EIF4G3: variants seen among roughly 807,000 people sequenced by gnomAD.
The protein encoded by EIF4G3 is eukaryotic translation initiation factor 4 gamma 3, also known as eIF-4-gamma 3.
In EIF4G3, 34 loss-of-function variants were observed where a neutral mutation model predicts 186.4. The observed-to-expected ratio is 0.18, with a 90% CI of 0.14 to 0.24. EIF4G3 has a LOEUF of 0.24. EIF4G3 is among the 10% of genes least tolerant of loss of function. The probability of loss-of-function intolerance (pLI) is 1.00; values close to 1 mark genes in which losing one functional copy is unlikely to be tolerated. For synonymous variants in EIF4G3, 673 were observed against 679.5 expected, an observed-to-expected ratio of 0.99 and a Z score of 0.15; for missense variants, 1,536 against 1,948.5, an observed-to-expected ratio of 0.79 and a Z score of 3.99.
chr1:21,108,868 A>G (rs1246794348), intron 2 of EIF4G3, among the ~76,000 whole-genome samples: 1 of 127,946 alleles, frequency 7.8e-6, no homozygotes, highest in Admixed American at 9.1e-5. Context: ...GCGCCACTGC[A>G]CTCCAGACTG....
chr1:21,147,497 C>T (rs965708638), intron 2 of EIF4G3, among the ~76,000 whole-genome samples: 5 of 151,670 alleles, frequency 3.3e-5, no homozygotes, highest in African/African-American at 1.2e-4. Flanking sequence ...CCTGCCACCA[C>T]GCCTGGCTAA....
intron 2 of EIF4G3, among the ~76,000 whole-genome samples, chr1:21,094,928 T>A (rs1195396767): frequency 6.6e-6 from 1 of 152,116 alleles, no homozygotes; most frequent in East Asian, 1.9e-4. Flanking sequence ...GATGACAGGA[T>A]CCCTCGAGCC....
In EIF4G3 at chr1:21,074,558, T is replaced by C. The variant is rs764185303; in HGVS notation, c.-196+14580A>G. On this transcript the variant is annotated intron_variant, in intron 3 of 36. Coordinates refer to ENST00000602326, the MANE Select transcript of EIF4G3 (RefSeq NM_001391906.1). ...AATAATAATAATTTATATACATAAA[T>C]CTTCTTACAACCAAATCCTTTCTGT... is the stretch of plus-strand genomic sequence containing the variant. 5.6e-4 allele frequency among the ~76,000 whole-genome samples: 86 copies of C among 152,240 alleles called. No homozygotes were observed. The Middle Eastern group carries it at 0.014, about 24-fold the overall frequency.
At chr1:20,823,477 G>A (rs570381949) in intron 33 of EIF4G3, among the ~76,000 whole-genome samples, 3 of 152,092 alleles carry the variant, frequency 2.0e-5, no homozygotes, top group East Asian at 3.9e-4. Context: ...AAACTCCCAC[G>A]CTCTAGTGAT....
chr1:21,153,152 A>C (rs1040760504), intron 2 of EIF4G3, among the ~76,000 whole-genome samples: 1 of 152,204 alleles, frequency 6.6e-6, no homozygotes, highest in Admixed American at 6.6e-5. Context: ...AGTGTATAGC[A>C]GACACTGATG....
intron 13 of EIF4G3, 112 bp from the exon 14 acceptor site, chr1:20,942,442 C>T (rs2095756082): frequency 9.4e-7 from 1 of 1,066,966 alleles, no homozygotes; most frequent in African/African-American, 1.6e-5. Flanking sequence ...AGAACAGAGA[C>T]CAATATATTA....
intron 12 of EIF4G3, among the ~76,000 whole-genome samples, chr1:20,951,767 A>G (rs891736110): frequency 2.6e-5 from 4 of 151,968 alleles, no homozygotes; most frequent in Admixed American, 2.6e-4. Flanking sequence ...GGGGCAGGGT[A>G]AGTGCTAAAA....
intron 11 of EIF4G3, among the ~76,000 whole-genome samples, chr1:20,971,427 G>A (rs372141779): frequency 9.9e-5 from 15 of 151,964 alleles, no homozygotes; most frequent in East Asian, 1.9e-4. Flanking sequence ...ACTGTCTTCC[G>A]GTTTCATTTC....
chr1:20,816,012 T>C (rs1291833000), intron 34 of EIF4G3, among the ~76,000 whole-genome samples: 2 of 30,714 alleles, frequency 6.5e-5, no homozygotes, highest in African/African-American at 1.4e-4. Context: ...GAAGTGAGGA[T>C]CCCTCTGCCC....
chr1:20,862,293 C>T lies in EIF4G3; in HGVS notation c.3046G>A (p.Val1016Met). Residue 1016 changes from valine (V) to methionine (M), a missense_variant, in exon 23 of 37, where the codon GTG (valine) becomes ATG (methionine). By Grantham distance (21) the Val-to-Met change is conservative. Around this residue, in one of 11 missense-constraint regions of EIF4G3, gnomAD observed 110 missense variants for 166.2 expected, o/e 0.66. Transcript: ENST00000602326. ...CTAGATGAGGTTTTTCTTTCTTTCA[C>T]AATTTTCTCCATCTGATTAAAGTAC... Reference protein sequence around the residue: ...DQYFNQMEKIVKERKTSSRIR... With the variant: ...DQYFNQMEKIMKERKTSSRIR... 1 of 1,612,736 alleles carries T rather than the reference C, an allele frequency of 6.2e-7. No homozygotes were observed. The highest frequency in any genetic ancestry group is 8.5e-7 in the Non-Finnish European group (1 of 1,179,248).
At chr1:21,083,624 T>C (rs2095864891) in intron 3 of EIF4G3, among the ~76,000 whole-genome samples, 2 of 152,074 alleles carry the variant, frequency 1.3e-5, no homozygotes, top group South Asian at 4.1e-4. Flanking sequence ...ATGCCTGGTC[T>C]CGATTTTTTA....
At chr1:21,053,681 C>G (rs28564968) in intron 3 of EIF4G3, among the ~76,000 whole-genome samples, 63,301 of 133,290 alleles carry the variant, frequency 0.47, 15,516 homozygotes, top group East Asian at 0.76. Flanking sequence ...AAGTGAGGAG[C>G]CCCTCTGCCC....
intron 2 of EIF4G3, among the ~76,000 whole-genome samples, chr1:21,097,785 C>T (rs183498809): frequency 1.6e-3 from 251 of 152,294 alleles, no homozygotes; most frequent in African/African-American, 5.7e-3. Flanking sequence ...TCTCTACCAA[C>T]ACCTCACCCT....
At chr1:20,888,942 C>A (rs997928308) in intron 18 of EIF4G3, among the ~76,000 whole-genome samples, 8 of 151,884 alleles carry the variant, frequency 5.3e-5, no homozygotes, top group Non-Finnish European at 1.0e-4. Context: ...ATGGGCTACA[C>A]AAAAAGAAAC....
chr1:20,866,228 C>T (rs927239588), intron 20 of EIF4G3, among the ~76,000 whole-genome samples: 1 of 152,098 alleles, frequency 6.6e-6, no homozygotes, highest in Non-Finnish European at 1.5e-5. Context: ...TGTTATCAAC[C>T]AGAATGCACT....
chr1:20,869,470 T>C (rs1448067008), intron 20 of EIF4G3, among the ~76,000 whole-genome samples: 1 of 151,870 alleles, frequency 6.6e-6, no homozygotes. Flanking sequence ...CAAGGACAGT[T>C]TGCTCTTAAA....
intron 2 of EIF4G3, among the ~76,000 whole-genome samples, chr1:21,115,038 A>AT (rs2096792792): frequency 6.6e-6 from 1 of 152,202 alleles, no homozygotes; most frequent in Admixed American, 6.5e-5. Context: ...TACAGTTTAC[A>AT]TTTTCACAGT....
In EIF4G3 at chr1:20,980,974, C is replaced by T. The variant is rs2077832459; in HGVS notation, c.378+74G>A. The T allele has an allele frequency of 5.6e-6, 7 of 1,247,770 alleles. No homozygotes were observed. In the Admixed American group the frequency reaches 1.5e-4, roughly 27 times the overall value. 77.3% of individuals were successfully genotyped at this position (1,247,770 alleles called of 1,614,324 possible). ...AAACTAATACCACAATTCATCCACC[C>T]AGCTCCCTCTGATGTGAATCCGGGT... On this transcript the variant is annotated intron_variant, in intron 9 of 36. Transcript: ENST00000602326.
At chr1:20,932,179 A>G (rs991186861) in intron 14 of EIF4G3, among the ~76,000 whole-genome samples, 2 of 152,136 alleles carry the variant, frequency 1.3e-5, no homozygotes, top group Admixed American at 1.3e-4. Flanking sequence ...GCTAGCTTCA[A>G]ACTTTTCTTC....
Sources: gnomAD v4.1 joint callset for allele counts (sites outside exome capture counted in the v4.1 genomes callset) on GRCh38, gnomAD v4.1.1 for gene constraint, gnomAD v4.1.1 regional missense constraint, MANE v1.5 for transcripts, NCBI Gene and HGNC (gene_info 2026-07-23, HGNC 2026-07-21) for gene names.